RGS5: variants seen among roughly 807,000 people sequenced by gnomAD.
RGS5 encodes regulator of G protein signaling 5.
In RGS5, 20 loss-of-function variants were observed where a neutral mutation model predicts 18.9. The ratio of observed to expected loss-of-function variants is 1.06; its 90% CI spans 0.74 to 1.54. RGS5 has a LOEUF of 1.54. RGS5 is among the 40% of genes most tolerant of loss of function. RGS5 has a pLI of 0.00. For synonymous variants in RGS5, 57 were observed against 76.2 expected (o/e 0.75, Z 1.31); for missense variants, 201 against 211.8 (o/e 0.95, Z 0.32).
chr1:163,204,873 C>A (rs1228859413), upstream of RGS5, among the ~76,000 whole-genome samples: 1 of 152,018 alleles, frequency 6.6e-6, no homozygotes, highest in Non-Finnish European at 1.5e-5. Flanking sequence ...AAAAGAAAAA[C>A]CCCAAGTTTA....
At chr1:163,258,460 C>T (rs1481968345) in intron 2 of RGS5, among the ~76,000 whole-genome samples, 1 of 151,980 alleles carries the variant, frequency 6.6e-6, no homozygotes, top group Non-Finnish European at 1.5e-5. Flanking sequence ...TACACAGAGG[C>T]GGAAACATTT....
upstream of RGS5, among the ~76,000 whole-genome samples, chr1:163,206,201 T>C (rs1452909692): frequency 6.6e-6 from 1 of 152,198 alleles, no homozygotes; most frequent in African/African-American, 2.4e-5. Context: ...GGACTTTATA[T>C]TAAATATAGT....
chr1:163,188,910 ACCACC>A (rs1659214301), intron 1 of RGS5, among the ~76,000 whole-genome samples: 1 of 139,764 alleles, frequency 7.2e-6, no homozygotes, highest in Non-Finnish European at 1.5e-5. Flanking sequence ...CCAAGATCGC[ACCACC>A]ACATACCAGC....
chr1:163,314,941 G>A (rs756474393), intron 1 of RGS5, among the ~76,000 whole-genome samples: 8 of 152,170 alleles, frequency 5.3e-5, no homozygotes, highest in Admixed American at 6.5e-5. Flanking sequence ...CATTTCTGTT[G>A]CTTTTAAGGT....
chr1:163,161,813 A>T, intron 3 of RGS5, 102 bp downstream of exon 3: 3 of 866,630 alleles, frequency 3.5e-6, no homozygotes, highest in Non-Finnish European at 5.6e-6. Context: ...AAATTGAAGA[A>T]ATGTCAACAT....
At chr1:163,224,533 G>A (rs1466234813) in intron 2 of RGS5, among the ~76,000 whole-genome samples, 2 of 152,130 alleles carry the variant, frequency 1.3e-5, no homozygotes, top group South Asian at 2.1e-4. Flanking sequence ...ATATCTCTTC[G>A]ACATGCTGAT....
At chr1:163,272,437 C>T (rs538103519) in intron 2 of RGS5, among the ~76,000 whole-genome samples, 1 of 152,036 alleles carries the variant, frequency 6.6e-6, no homozygotes, top group African/African-American at 2.4e-5. Context: ...TAATTTTTTT[C>T]TTGTATGGCT....
rs897289088 is a variant in RGS5 at position 163,259,563 on chromosome 1, C to T, written c.-281+46670G>A. Among the ~76,000 whole-genome samples, 3 of 152,054 alleles carry T rather than the reference C, an allele frequency of 2.0e-5. No homozygotes were observed. The East Asian group carries it at 5.8e-4, about 29-fold the overall frequency. On this transcript the variant is annotated intron_variant, in intron 2 of 5. Coordinates refer to the RGS5 transcript ENST00000618415. ...GGTACACAATTTTAATGGAAGGAAC[C>T]ACAGGTATGTTGAAAGAACATCAGT...
chr1:163,242,677 A>C (rs1242566621), intron 2 of RGS5, among the ~76,000 whole-genome samples: 1 of 152,160 alleles, frequency 6.6e-6, no homozygotes, highest in African/African-American at 2.4e-5. Context: ...TATTGGTGGG[A>C]ATGATGGTAG....
chr1:163,167,297 T>G (rs1361650497), intron 2 of RGS5, among the ~76,000 whole-genome samples: 1 of 152,228 alleles, frequency 6.6e-6, no homozygotes, highest in African/African-American at 2.4e-5. Context: ...AGCTCTAAGA[T>G]AGCAGAGCGA....
At chr1:163,245,950 T>C (rs1647917768) in intron 2 of RGS5, among the ~76,000 whole-genome samples, 1 of 152,248 alleles carries the variant, frequency 6.6e-6, no homozygotes, top group Non-Finnish European at 1.5e-5. Context: ...GGGCTGTGGC[T>C]CACGCCTGTA....
chr1:163,207,749 T>C (rs1436425574), upstream of RGS5, among the ~76,000 whole-genome samples: 1 of 152,138 alleles, frequency 6.6e-6, no homozygotes, highest in Non-Finnish European at 1.5e-5. Context: ...GATCATTGAT[T>C]GTTGCAGAAG....
intron 2 of RGS5, among the ~76,000 whole-genome samples, chr1:163,293,464 T>C (rs1649346562): frequency 1.3e-5 from 2 of 152,144 alleles, no homozygotes; most frequent in African/African-American, 4.8e-5. Context: ...AAGGGGAAAC[T>C]GTCCCCATGA....
intron 1 of RGS5, among the ~76,000 whole-genome samples, chr1:163,208,179 T>C (rs1372735689): frequency 6.6e-6 from 1 of 151,012 alleles, no homozygotes; most frequent in East Asian, 2.0e-4. Context: ...AAACCCCGTC[T>C]CTACTAAAAA....
In RGS5 at chr1:163,202,910, AC is replaced by A. The variant is rs1350743800; in HGVS notation, c.-76del. The stretch of plus-strand genomic sequence containing the variant: ...AGAGCCAGTCTTTGAAAACTTCAAA[AC>A]TGTCTGGGATGCCTTTCCTCCTGAG... On this transcript the variant is annotated 5_prime_UTR_variant, in exon 1 of 5. Coordinates refer to ENST00000313961, the MANE Select transcript of RGS5 (RefSeq NM_003617.4). The A allele has an allele frequency of 7.0e-7, 1 of 1,424,244 alleles. No homozygotes were observed. Among genetic ancestry groups the A allele is most frequent in the Non-Finnish European group, 9.9e-7 (1 of 1,013,210 alleles). 88.2% of individuals were successfully genotyped at this position (1,424,244 alleles called of 1,614,324 possible).
chr1:163,274,424 C>G (rs891781408), intron 2 of RGS5, among the ~76,000 whole-genome samples: 2 of 152,208 alleles, frequency 1.3e-5, no homozygotes, highest in Non-Finnish European at 2.9e-5. Context: ...GGAAAAGAAG[C>G]TCCTGTGCTA....
At chr1:163,252,671 G>A (rs1294218300) in intron 2 of RGS5, among the ~76,000 whole-genome samples, 2 of 133,944 alleles carry the variant, frequency 1.5e-5, no homozygotes, top group African/African-American at 7.3e-5. Flanking sequence ...AATGCTATAA[G>A]AATGCACCAT....
intron 2 of RGS5, among the ~76,000 whole-genome samples, chr1:163,255,137 T>C (rs1218608556): frequency 6.6e-6 from 1 of 152,284 alleles, no homozygotes; most frequent in East Asian, 1.9e-4. Context: ...GTGGGCTCTT[T>C]TTTGGTTCCA....
intron 2 of RGS5, among the ~76,000 whole-genome samples, chr1:163,288,399 T>C (rs891388540): frequency 6.6e-6 from 1 of 152,182 alleles, no homozygotes; most frequent in Non-Finnish European, 1.5e-5. Context: ...CTGTGCAACG[T>C]GTTGTGCAGC....
Sources: allele counts gnomAD v4.1 joint callset (sites outside exome capture counted in the v4.1 genomes callset), GRCh38; gene constraint gnomAD v4.1.1; transcripts MANE v1.5; gene names NCBI Gene and HGNC (gene_info 2026-07-23, HGNC 2026-07-21).